Variants in TTC3 observed in about 807,000 individuals in gnomAD.
TTC3 encodes E3 ubiquitin-protein ligase TTC3.
TTC3 carries 180 observed loss-of-function variants against 249.6 expected under a neutral mutation model. The ratio of observed to expected loss-of-function variants is 0.72; its 90% CI spans 0.64 to 0.82. The LOEUF (loss-of-function observed/expected upper bound fraction) is 0.82. Ranked by LOEUF, TTC3 falls within the 40% of genes least tolerant of loss-of-function variation. TTC3 has a pLI of 0.00. For missense variants in TTC3, 2,061 were observed against 2,398.4 expected, an observed-to-expected ratio of 0.86 and a Z score of 2.94; for synonymous variants, 717 against 805.0, an observed-to-expected ratio of 0.89 and a Z score of 1.85.
chr21:37,119,862 A>G (rs892716979), intron 11 of TTC3, among the ~76,000 whole-genome samples: 10 of 152,110 alleles, frequency 6.6e-5, no homozygotes, highest in Non-Finnish European at 1.3e-4. Context: ...ATTTTTAAAA[A>G]GACTTTTACC....
At chr21:37,144,400 A>G in intron 20 of TTC3, 125 bp from the exon 21 acceptor site, 1 of 1,154,138 alleles carries the variant, frequency 8.7e-7, no homozygotes, top group Admixed American at 2.7e-5. Flanking sequence ...GTTACATTGA[A>G]TATTGCTGTT....
At chr21:37,149,969 T>G in intron 23 of TTC3, 109 bp from the exon 24 acceptor site, 1 of 762,266 alleles carries the variant, frequency 1.3e-6, no homozygotes, top group Non-Finnish European at 2.1e-6. Context: ...CTGAAGATGG[T>G]TTTAGTCCGT....
chr21:37,157,110 T>C, intron 28 of TTC3: 1 of 1,418,440 alleles, frequency 7.1e-7, no homozygotes, highest in South Asian at 1.3e-5. Context: ...AAAGAGATAC[T>C]CAAATGTAGG....
At chr21:37,112,233 T>C (rs2075735567) in intron 11 of TTC3, among the ~76,000 whole-genome samples, 1 of 152,034 alleles carries the variant, frequency 6.6e-6, no homozygotes, top group Non-Finnish European at 1.5e-5. Flanking sequence ...AAAAAACCCT[T>C]CAAAAAATCA....
intron 4 of TTC3, 67 bp downstream of exon 4, chr21:37,088,413 G>A (rs1249159203): frequency 6.5e-7 from 1 of 1,533,744 alleles, no homozygotes; most frequent in African/African-American, 1.4e-5. Context: ...ACCAAGAAAT[G>A]CAAGTTCAAT....
chr21:37,094,567 T>C (rs970581211), intron 8 of TTC3, among the ~76,000 whole-genome samples: 8 of 152,236 alleles, frequency 5.3e-5, no homozygotes, highest in Non-Finnish European at 1.2e-4. Context: ...ACTCATGCTT[T>C]GCAATTAATC....
chr21:37,164,088 C>G (rs766137936), exon 32 of TTC3: 4 of 1,612,172 alleles, frequency 2.5e-6, no homozygotes, highest in Non-Finnish European at 3.4e-6. Flanking sequence ...ATTTGCAGTG[C>G]CTGACCATCT....
intron 1 of TTC3, among the ~76,000 whole-genome samples, chr21:37,073,911 C>T (rs897126657): frequency 1.3e-5 from 2 of 152,258 alleles, no homozygotes; most frequent in African/African-American, 4.8e-5. Flanking sequence ...GAGCCTTGCT[C>T]GCGCAAGTGT....
At chr21:37,151,787 C>T (rs770033089) in intron 25 of TTC3, 106 bp from the exon 26 acceptor site, 39 of 1,281,642 alleles carry the variant, frequency 3.0e-5, no homozygotes, top group African/African-American at 4.6e-5. Flanking sequence ...AGGCCGGGCT[C>T]TGATTAAAAA....
At chr21:37,199,060 G>A (rs1242397349) in intron 44 of TTC3, among the ~76,000 whole-genome samples, 7 of 152,136 alleles carry the variant, frequency 4.6e-5, no homozygotes, top group Non-Finnish European at 1.0e-4. Flanking sequence ...CGAGTCATGG[G>A]CAGCAGTGGA....
chr21:37,172,781 G>A, intron 35 of TTC3, 37 bp downstream of exon 35: 1 of 1,608,538 alleles, frequency 6.2e-7, no homozygotes. Flanking sequence ...ATTGCATGTA[G>A]CATAGTTAGG....
At chr21:37,126,868 T>A (rs1568992568) in intron 15 of TTC3, among the ~76,000 whole-genome samples, 1 of 151,910 alleles carries the variant, frequency 6.6e-6, no homozygotes, top group Non-Finnish European at 1.5e-5. Context: ...TCTTTTTTTT[T>A]TTTTGAGACA....
At chr21:37,134,427 C>T (rs1396047853) in intron 17 of TTC3, among the ~76,000 whole-genome samples, 7 of 151,304 alleles carry the variant, frequency 4.6e-5, no homozygotes, top group Admixed American at 1.3e-4. Context: ...CCAGCCTGGA[C>T]GACAGAGCAA....
In TTC3 at chr21:37,165,735, T is replaced by C. The variant is rs200198693; in HGVS notation, c.3521T>C (p.Val1174Ala). 158 of 1,613,382 alleles carry C rather than the reference T, an allele frequency of 9.8e-5. No individual in the cohort carries two copies. Among genetic ancestry groups the C allele is most frequent in the Non-Finnish European group, 1.1e-4 (132 of 1,180,002 alleles). Residue 1174 changes from valine (V) to alanine (A), a missense_variant, in exon 33 of 46, where the codon GTT (valine) becomes GCT (alanine). By Grantham distance (64) the Val-to-Ala change is moderately conservative (BLOSUM62 0). Transcript: ENST00000355666. ...GACAACTGTATTGCACTGAAGAAGG[T>C]TGCATCACGGCTCAAGAAAAAAAGG...
exon 6 of TTC3, chr21:37,090,256 C>A (rs753790095): frequency 6.2e-7 from 1 of 1,606,228 alleles, no homozygotes; most frequent in Admixed American, 1.7e-5. Flanking sequence ...TTATTGGAGG[C>A]TTATTGAGAA....
At chr21:37,159,281 C>T (rs1241279113) in intron 28 of TTC3, among the ~76,000 whole-genome samples, 1 of 145,770 alleles carries the variant, frequency 6.9e-6, no homozygotes, top group African/African-American at 2.6e-5. Context: ...GTGGGCCTCT[C>T]CCTTGCAGAC....
At chr21:37,096,806 A>T (rs2073991061) in intron 10 of TTC3, 163 bp downstream of exon 10, 1 of 546,094 alleles carries the variant, frequency 1.8e-6, no homozygotes, top group East Asian at 3.0e-5. Context: ...TATAATAACA[A>T]CAGTGACAGC....
At chr21:37,160,427 G>C (rs193195656) in intron 29 of TTC3, among the ~76,000 whole-genome samples, 1 of 152,320 alleles carries the variant, frequency 6.6e-6, no homozygotes, top group East Asian at 1.9e-4. Context: ...TTGTGCCCCA[G>C]TGTCTGGTCA....
intron 40 of TTC3, among the ~76,000 whole-genome samples, 180 bp downstream of exon 40, chr21:37,191,604 G>A (rs1255345265): frequency 6.6e-6 from 1 of 152,032 alleles, no homozygotes; most frequent in Non-Finnish European, 1.5e-5. Flanking sequence ...TTGAGTTGGA[G>A]TTTCGCTCTT....
Sources: gnomAD v4.1 joint callset for allele counts (sites outside exome capture counted in the v4.1 genomes callset) on GRCh38, gnomAD v4.1.1 for gene constraint, MANE v1.5 for transcripts, NCBI Gene and HGNC (gene_info 2026-07-23, HGNC 2026-07-21) for gene names.